The following ELP1 variants were observed in gnomAD, a reference collection of about 807,000 sequenced individuals.
ELP1 encodes the protein elongator complex protein 1.
ELP1 carries 131 observed loss-of-function variants against 183.2 expected under a neutral mutation model. That is an observed-to-expected ratio of 0.72 (90% CI 0.62 to 0.83). ELP1 has a LOEUF of 0.83. ELP1 is among the 40% of genes least tolerant of loss of function. ELP1 has a pLI of 0.00. For synonymous variants in ELP1, 555 were observed against 569.0 expected, an observed-to-expected ratio of 0.98 and a Z score of 0.35; for missense variants, 1,550 against 1,594.9, an observed-to-expected ratio of 0.97 and a Z score of 0.48.
chr9:108,868,743 G>C lies in ELP1; in HGVS notation c.*372C>G. On this transcript the variant is annotated 3_prime_UTR_variant, in exon 37 of 37. Coordinates refer to ENST00000374647, the MANE Select transcript of ELP1 (RefSeq NM_003640.5). ...ACTAATAGCCATTGTAATCTTCTCC[G>C]CCAACAAAATAAGACAATTTAGAAA... is the stretch of plus-strand genomic sequence containing the variant. The C allele has an allele frequency of 1.8e-6, 1 of 544,266 alleles. No individual in the cohort carries two copies. Among genetic ancestry groups the C allele is most frequent in the Non-Finnish European group, 3.2e-6 (1 of 309,904 alleles). The allele number at this position is 544,266 out of a possible 1,614,324, so 33.7% of individuals were successfully genotyped here.
chr9:108,914,687 G>A (rs867944260), intron 10 of ELP1, among the ~76,000 whole-genome samples: 4 of 152,130 alleles, frequency 2.6e-5, no homozygotes, highest in Non-Finnish European at 2.9e-5. Flanking sequence ...GCAGTGGCAC[G>A]ATCTCCATTC....
chr9:108,912,502 G>A lies in ELP1; in HGVS notation c.959-8C>T, dbSNP rs766511916. 8.7e-6 allele frequency: 14 copies of A among 1,605,294 alleles called. No homozygotes were observed. In the East Asian group the frequency reaches 1.1e-4, roughly 13 times the overall value. The stretch of plus-strand genomic sequence containing the variant: ...CAACAGTCCAGAGCTGAACTGCAAG[G>A]GAAAATGAAAAGAAGGCCGTTAGAG... On this transcript the variant is annotated splice_region_variant and splice_polypyrimidine_tract_variant and intron_variant, in intron 10 of 36. Coordinates refer to ENST00000374647, the MANE Select transcript of ELP1 (RefSeq NM_003640.5).
rs141707888 is a variant in ELP1 at position 108,927,369 on chromosome 9, T to C, written c.385+3A>G. On this transcript the variant is annotated splice_donor_region_variant and intron_variant, in intron 4 of 36. Transcript: ENST00000374647. The stretch of plus-strand genomic sequence containing the variant: ...GCCAGTGAGGCACCAGTAACAAGCT[T>C]ACCTGTGGCAAGAAGCACCAGCTCT... The C allele has an allele frequency of 2.0e-5, 32 of 1,611,276 alleles. No individual in the cohort carries two copies. The highest frequency in any genetic ancestry group is 2.7e-5 in the Non-Finnish European group (32 of 1,177,568).
In ELP1 at chr9:108,918,821, G is replaced by C. The variant is rs200836328; in HGVS notation, c.730C>G (p.Leu244Val). The change falls in exon 8 of 37, where the codon CTG (leucine) becomes GTG (valine). Residue 244 changes from leucine to valine, a missense_variant. Transcript: ENST00000374647. ...TCTTCTCCCACTCACTTCCAAGCCA[G>C]GGCTGGTCCCAGTCCTGCCACAGGC... Reference protein sequence around the residue: ...SEPVAGLGPALAWKPSGSLIA... With the variant: ...SEPVAGLGPAVAWKPSGSLIA... 53 of 1,613,588 alleles carry C rather than the reference G, an allele frequency of 3.3e-5. No homozygotes were observed. The East Asian group carries it at 1.2e-3, about 35-fold the overall frequency.
chr9:108,881,364 A>G (rs770465820), intron 31 of ELP1, among the ~76,000 whole-genome samples: 8 of 152,220 alleles, frequency 5.3e-5, no homozygotes, highest in Non-Finnish European at 1.2e-4. Context: ...ATAATAGGAT[A>G]TTATCTTATA....
Position 108,919,046 on chromosome 9 carries a change from T to G in ELP1, c.650-145A>C, listed in dbSNP as rs963143686. 7.5e-6 allele frequency: 6 copies of G among 798,316 alleles called. No individual in the cohort carries two copies. The African/African-American group carries it at 1.0e-4, about 14-fold the overall frequency. The allele number at this position is 798,316 out of a possible 1,614,324, so 49.5% of individuals were successfully genotyped here. On this transcript the variant is annotated intron_variant, in intron 7 of 36. Transcript: ENST00000374647. The stretch of plus-strand genomic sequence containing the variant: ...AATTAGATTAATTTTGTTACAAATT[T>G]GTGTCCACCAGGTAGGAGGATGGAC...
At chr9:108,891,998 G>A (rs1275744140) in intron 27 of ELP1, among the ~76,000 whole-genome samples, 2 of 152,156 alleles carry the variant, frequency 1.3e-5, no homozygotes, top group Admixed American at 6.5e-5. Context: ...GAAAACAAGG[G>A]CAAAGAGGTA....
At position 108,898,570 on chromosome 9, in the gene ELP1, T is replaced by A. The variant is rs137874743; in HGVS notation, c.2295A>T (p.Gly765=). The change falls in exon 22 of 37, where the codon GGA becomes GGT. Residue 765 remains glycine (G), a synonymous_variant. Transcript: ENST00000374647. ...IYDHNPKVFL[G]NVETFIKQID... ...TCTGTTTAATGAAGGTTTCCACATT[T>A]CCAAGAAACACCTACCAAAAAAAGG... 4 of 1,607,510 alleles carry A rather than the reference T, an allele frequency of 2.5e-6. No individual in the cohort carries two copies. The African/African-American group carries it at 5.4e-5, about 22-fold the overall frequency.
chr9:108,887,683 GCCAAGATTCTTGGC>G (rs1484509417), intron 29 of ELP1, among the ~76,000 whole-genome samples: 5 of 152,206 alleles, frequency 3.3e-5, no homozygotes, highest in Non-Finnish European at 7.3e-5. Context: ...GCTAAGCCCA[GCCAAGATTCTTGGC>G]CCATTGAAAA....
rs779097269 is a variant in ELP1, at chr9:108,897,025, T to G, written c.2515A>C (p.Ile839Leu). The change falls in exon 24 of 37, where the codon ATA (isoleucine) becomes CTA (leucine). Residue 839 changes from isoleucine (I) to leucine (L), a missense_variant. By Grantham distance (5) the Ile-to-Leu change is conservative (BLOSUM62 2). Transcript: ENST00000374647. ...GTCTTCTTTACATGAGATGTAAGTATGGATAGGCAGTATCTGAGGTAATAA... is the reference window on the plus strand; with the variant it reads ...GTCTTCTTTACATGAGATGTAAGTAGGGATAGGCAGTATCTGAGGTAATAA... ...SINPHKYCLS[I>L]LTSHVKKTTP... is the part of the protein sequence containing the mutation. 1 of 1,613,912 alleles carries G rather than the reference T, an allele frequency of 6.2e-7. No individual in the cohort carries two copies. The highest frequency in any genetic ancestry group is 1.3e-5 in the African/African-American group (1 of 74,918).
At chr9:108,914,499 T>C (rs1263495941) in intron 10 of ELP1, among the ~76,000 whole-genome samples, 2 of 151,642 alleles carry the variant, frequency 1.3e-5, no homozygotes, top group Non-Finnish European at 2.9e-5. Flanking sequence ...AAATGTACCA[T>C]GCATTGCTGT....
intron 35 of ELP1, 92 bp downstream of exon 35, chr9:108,877,903 G>A: frequency 1.5e-6 from 2 of 1,332,246 alleles, no homozygotes; most frequent in Non-Finnish European, 2.2e-6. Context: ...TATGTTTTAA[G>A]AACAGGAAAA....
In ELP1 at chr9:108,919,357, G is replaced by A; in HGVS notation, c.553-8C>T. On this transcript the variant is annotated splice_region_variant and splice_polypyrimidine_tract_variant and intron_variant, in intron 6 of 36. Transcript: ENST00000374647. The stretch of plus-strand genomic sequence containing the variant: ...GGGCAAAGCAGACTCATGCTAAAAA[G>A]GGGAACAAACACCAATATTACTGGG... 6.3e-7 allele frequency: 1 copy of A among 1,599,676 alleles called. No individual in the cohort carries two copies. The highest frequency in any genetic ancestry group is 1.3e-5 in the African/African-American group (1 of 74,692).
rs1554703874 is a variant in ELP1 at position 108,931,092 on chromosome 9, CT to C, written c.54del (p.Asn20IlefsTer22). 1.2e-6 allele frequency: 2 copies of C among 1,614,156 alleles called. No individual in the cohort carries two copies. The highest frequency in any genetic ancestry group is 1.7e-6 in the Non-Finnish European group (2 of 1,179,984). On this transcript the variant is annotated frameshift_variant, in exon 2 of 37. Coordinates refer to ENST00000374647, the MANE Select transcript of ELP1 (RefSeq NM_003640.5). LOFTEE classifies it high-confidence loss of function. Reference sequence around the variant, plus strand: ...CGGAGAGAGAAGCACTGAGGATTCCCTGGACCTTGAATATCCCTGAACTCCA... The same window carrying C: ...CGGAGAGAGAAGCACTGAGGATTCCCGGACCTTGAATATCCCTGAACTCCA... Reference protein sequence around the residue: ...RTLEFRDIQGPGNPQCFSLRT... With the variant: ...RTLEFRDIQGXGNPQCFSLRT...
At position 108,906,376 on chromosome 9, in the gene ELP1, G is replaced by T; in HGVS notation, c.1570C>A (p.Pro524Thr). ...GTCAAATGGTGAATGACAGACCGGG[G>T]GCTGAACTCACTGTGGCTTACAGCC... ...FLAVSHSEFS[P>T]RSVIHHLTAA... The change falls in exon 14 of 37, where the codon CCC becomes ACC. Residue 524 changes from proline (P) to threonine (T), a missense_variant. Pro to Thr is a conservative substitution (Grantham distance 38). Transcript: ENST00000374647. 2 of 1,614,052 alleles carry T rather than the reference G, an allele frequency of 1.2e-6. No individual in the cohort carries two copies. The highest frequency in any genetic ancestry group is 4.5e-5 in the East Asian group (2 of 44,878).
At chr9:108,898,927 A>G (rs886824775) in intron 20 of ELP1, among the ~76,000 whole-genome samples, 178 bp from the exon 21 acceptor site, 1 of 152,178 alleles carries the variant, frequency 6.6e-6, no homozygotes, top group Non-Finnish European at 1.5e-5. Flanking sequence ...TACCACATTC[A>G]TTTACCTTCT....
chr9:108,878,511 T>G, intron 34 of ELP1, 112 bp downstream of exon 34: 1 of 1,428,888 alleles, frequency 7.0e-7, no homozygotes, highest in South Asian at 1.2e-5. Flanking sequence ...AGTTCTCATC[T>G]TTCCTCAAAT....
intron 11 of ELP1, 95 bp downstream of exon 11, chr9:108,912,169 A>C (rs1829247988): frequency 1.0e-6 from 1 of 959,390 alleles, no homozygotes; most frequent in Admixed American, 1.9e-5. Flanking sequence ...CAAAACAAAT[A>C]AAGATTCCCC....
chr9:108,925,125 C>A (rs1328495798), intron 5 of ELP1, among the ~76,000 whole-genome samples: 1 of 152,110 alleles, frequency 6.6e-6, no homozygotes, highest in Non-Finnish European at 1.5e-5. Flanking sequence ...AACCTCCTAC[C>A]TGATCACCCT....
Sources: gnomAD v4.1 joint callset for allele counts (sites outside exome capture counted in the v4.1 genomes callset) on GRCh38, gnomAD v4.1.1 for gene constraint, MANE v1.5 for transcripts, NCBI Gene and HGNC (gene_info 2026-07-23, HGNC 2026-07-21) for gene names.